Variants in NOL4L observed in about 807,000 individuals in gnomAD.
NOL4L encodes the protein nucleolar protein 4 like, also known as nucleolar protein 4-like.
NOL4L carries 7 observed loss-of-function variants against 64.5 expected under a neutral mutation model. The observed-to-expected ratio is 0.11, with a 90% CI of 0.06 to 0.20. NOL4L has a LOEUF of 0.20. Ranked by LOEUF, NOL4L falls within the 10% of genes least tolerant of loss-of-function variation. NOL4L has a pLI of 1.00. For synonymous variants in NOL4L, 413 were observed against 401.0 expected, an observed-to-expected ratio of 1.03 and a Z score of -0.36; for missense variants, 680 against 967.1, an observed-to-expected ratio of 0.70 and a Z score of 3.94.
At chr20:32,481,543 C>T (rs985504415) in intron 4 of NOL4L, among the ~76,000 whole-genome samples, 3 of 151,618 alleles carry the variant, frequency 2.0e-5, no homozygotes, top group East Asian at 3.9e-4. Context: ...GGGAGGAAGG[C>T]CGTCTTCTCA....
At chr20:32,490,726 G>A (rs1033798987) in intron 4 of NOL4L, among the ~76,000 whole-genome samples, 10 of 152,146 alleles carry the variant, frequency 6.6e-5, no homozygotes, top group African/African-American at 2.4e-4. Flanking sequence ...TGAAAACCAT[G>A]ATAAAAGGTA....
At chr20:32,526,489 C>T (rs1199245707) in intron 2 of NOL4L, among the ~76,000 whole-genome samples, 3 of 148,038 alleles carry the variant, frequency 2.0e-5, no homozygotes, top group Non-Finnish European at 3.0e-5. Flanking sequence ...AAGGACTAAC[C>T]GGATGGTTGC....
At chr20:32,526,770 T>C (rs1463640604) in intron 2 of NOL4L, among the ~76,000 whole-genome samples, 1 of 152,206 alleles carries the variant, frequency 6.6e-6, no homozygotes, top group African/African-American at 2.4e-5. Context: ...AACTGTGAAA[T>C]GGGTCCTCAG....
rs552668232 is a variant in NOL4L at position 32,445,268 on chromosome 20, C to T, written c.*2328G>A. On this transcript the variant is annotated 3_prime_UTR_variant, in exon 11 of 11. Coordinates refer to ENST00000621426, the MANE Select transcript of NOL4L (RefSeq NM_001256798.2). ...AGAAAAACATGACTTCAAACTGTAG[C>T]TTATGCTGATCTTTAGATCTAATCC... The T allele has an allele frequency of 5.9e-5, 9 of 152,354 alleles. No individual in the cohort carries two copies. In the East Asian group the frequency reaches 1.5e-3, roughly 26 times the overall value. 9.4% of individuals were successfully genotyped at this position (152,354 alleles called of 1,614,324 possible).
At chr20:32,572,875 C>T (rs1036133678) in intron 1 of NOL4L, among the ~76,000 whole-genome samples, 1 of 152,166 alleles carries the variant, frequency 6.6e-6, no homozygotes, top group Admixed American at 6.5e-5. Context: ...GCTCCAGTAT[C>T]CCCTGCCCCG....
chr20:32,483,109 C>T (rs970988175), intron 4 of NOL4L, among the ~76,000 whole-genome samples: 1 of 149,142 alleles, frequency 6.7e-6, no homozygotes, highest in African/African-American at 2.5e-5. Context: ...TTCATCGCCC[C>T]CCCTCCACTC....
At chr20:32,576,657 G>A (rs1470857710) in intron 1 of NOL4L, among the ~76,000 whole-genome samples, 2 of 152,158 alleles carry the variant, frequency 1.3e-5, no homozygotes, top group Non-Finnish European at 1.5e-5. Context: ...CCACAACCAC[G>A]TGGGTGAGAG....
intron 1 of NOL4L, among the ~76,000 whole-genome samples, chr20:32,557,215 C>T (rs1449457939): frequency 6.6e-6 from 1 of 152,220 alleles, no homozygotes; most frequent in Non-Finnish European, 1.5e-5. Context: ...GCCCTGGCCA[C>T]GAAGCAGCCT....
intron 3 of NOL4L, among the ~76,000 whole-genome samples, chr20:32,512,366 T>C (rs1382733701): frequency 1.3e-5 from 2 of 152,104 alleles, no homozygotes; most frequent in African/African-American, 4.8e-5. Context: ...CGCCACCCCA[T>C]AGCATCCCCC....
chr20:32,499,635 C>T (rs1369141964), intron 4 of NOL4L, among the ~76,000 whole-genome samples: 2 of 147,716 alleles, frequency 1.4e-5, no homozygotes, highest in Non-Finnish European at 3.0e-5. Flanking sequence ...GCTACTCAGT[C>T]AGCTGAGGCA....
intron 3 of NOL4L, among the ~76,000 whole-genome samples, chr20:32,513,045 C>T (rs752727294): frequency 1.3e-5 from 2 of 152,206 alleles, no homozygotes; most frequent in African/African-American, 2.4e-5. Context: ...CCTCCTCCTT[C>T]TTCCAAGGAC....
At chr20:32,471,353 G>A (rs544212679) in intron 5 of NOL4L, among the ~76,000 whole-genome samples, 1 of 148,092 alleles carries the variant, frequency 6.8e-6, no homozygotes, top group South Asian at 2.1e-4. Context: ...GAGGCTCAGA[G>A]GCAAGCTCCC....
At chr20:32,546,556 C>A (rs2018736327) in intron 1 of NOL4L, among the ~76,000 whole-genome samples, 1 of 152,200 alleles carries the variant, frequency 6.6e-6, no homozygotes, top group South Asian at 2.1e-4. Context: ...AATTCTCCTG[C>A]CTCAGCCTCC....
intron 4 of NOL4L, among the ~76,000 whole-genome samples, chr20:32,495,934 G>T (rs936513274): frequency 5.9e-5 from 9 of 152,244 alleles, no homozygotes; most frequent in African/African-American, 2.2e-4. Flanking sequence ...CCCAATAAAA[G>T]AAGTTAGATG....
chr20:32,582,415 G>A (rs1274074313), intron 1 of NOL4L, among the ~76,000 whole-genome samples: 2 of 152,184 alleles, frequency 1.3e-5, no homozygotes, highest in Non-Finnish European at 2.9e-5. Flanking sequence ...GGGCCGGCAG[G>A]ACCTGGGGTC....
intron 1 of NOL4L, among the ~76,000 whole-genome samples, chr20:32,544,479 G>A (rs2018705573): frequency 6.6e-6 from 1 of 152,138 alleles, no homozygotes; most frequent in Non-Finnish European, 1.5e-5. Flanking sequence ...GCTTTGTCCT[G>A]AAGGCAGTGG....
chr20:32,542,327 C>T (rs1221561605), intron 1 of NOL4L, among the ~76,000 whole-genome samples: 1 of 152,158 alleles, frequency 6.6e-6, no homozygotes, highest in Non-Finnish European at 1.5e-5. Flanking sequence ...GCCAGACAGC[C>T]TGAGCTCAAA....
intron 1 of NOL4L, among the ~76,000 whole-genome samples, chr20:32,530,623 A>G (rs930881930): frequency 2.6e-5 from 4 of 151,870 alleles, no homozygotes; most frequent in African/African-American, 9.7e-5. Context: ...TTATTAAGTC[A>G]TTAAATCTTA....
At chr20:32,485,001 G>A (rs1437983954) in intron 4 of NOL4L, among the ~76,000 whole-genome samples, 1 of 131,480 alleles carries the variant, frequency 7.6e-6, no homozygotes, top group East Asian at 2.3e-4. Flanking sequence ...CTCGAAAAAA[G>A]CTTGTGCTTC....
Sources: gnomAD v4.1 joint callset for allele counts (sites outside exome capture counted in the v4.1 genomes callset) on GRCh38, gnomAD v4.1.1 for gene constraint, MANE v1.5 for transcripts, NCBI Gene and HGNC (gene_info 2026-07-23, HGNC 2026-07-21) for gene names.